Variants in SDHA observed in about 807,000 individuals in gnomAD.
SDHA encodes succinate dehydrogenase complex flavoprotein subunit A, also known as succinate dehydrogenase [ubiquinone] flavoprotein subunit, mitochondrial.
Under a neutral mutation model 78.4 loss-of-function variants are expected in SDHA, and 48 were observed. That is an observed-to-expected ratio of 0.61 (90% CI 0.49 to 0.78). SDHA has a LOEUF of 0.78. Among genes scored for constraint, SDHA ranks in the 30% least tolerant of loss-of-function variants. The pLI is 0.00. For missense variants in SDHA, 680 were observed against 892.7 expected, an observed-to-expected ratio of 0.76 and a Z score of 3.04; for synonymous variants, 326 against 353.9, an observed-to-expected ratio of 0.92 and a Z score of 0.88.
intron 14 of SDHA, 89 bp from the exon 15 acceptor site, chr5:256,245 T>C: frequency 1.0e-6 from 1 of 953,454 alleles, no homozygotes; most frequent in African/African-American, 1.6e-5. Context: ...ATAAATCTAC[T>C]TTTATAGTTA....
Position 250,952 on chromosome 5 carries a change from C to T in SDHA, c.1552-40C>T, listed in dbSNP as rs1201282643. The T allele has an allele frequency of 4.5e-6, 7 of 1,559,412 alleles. No homozygotes were observed. In the South Asian group the frequency reaches 6.7e-5, roughly 15 times the overall value. Reference sequence around the variant, plus strand: ...TAAGCAGTTCTTGGTATGGCTGCTTCTATGGATTAAAAGTTTACAAATAAT... The same window carrying T: ...TAAGCAGTTCTTGGTATGGCTGCTTTTATGGATTAAAAGTTTACAAATAAT... On this transcript the variant is annotated intron_variant, in intron 11 of 14. Transcript: ENST00000264932.
intron 14 of SDHA, 105 bp from the exon 15 acceptor site, chr5:256,229 C>T: frequency 3.5e-6 from 3 of 846,734 alleles, no homozygotes; most frequent in South Asian, 1.3e-5. Flanking sequence ...TTAAAGTTCA[C>T]ATGCCATAAA....
intron 6 of SDHA, among the ~76,000 whole-genome samples, chr5:229,491 G>A (rs1300784505): frequency 3.3e-5 from 5 of 152,190 alleles, no homozygotes; most frequent in Non-Finnish European, 5.9e-5. Flanking sequence ...TAAGTGAAAC[G>A]AGCCAGGCAC....
At chr5:247,078 A>C (rs1209849000) in intron 11 of SDHA, among the ~76,000 whole-genome samples, 1 of 152,252 alleles carries the variant, frequency 6.6e-6, no homozygotes, top group African/African-American at 2.4e-5. Flanking sequence ...GTTTTTACAG[A>C]TGGGTCTAGT....
the SDHA span, among the ~76,000 whole-genome samples, chr5:268,637 C>G: frequency 6.6e-6 from 1 of 152,188 alleles, no homozygotes; most frequent in South Asian, 2.1e-4. Flanking sequence ...CTAGTTTTCT[C>G]TTCAGTAAAA....
intron 10 of SDHA, among the ~76,000 whole-genome samples, chr5:239,808 T>G (rs1736030796): frequency 6.6e-6 from 1 of 151,794 alleles, no homozygotes; most frequent in Non-Finnish European, 1.5e-5. Context: ...CTCGCTCTGT[T>G]GCCCAGGCTG....
In SDHA at chr5:240,448, C is replaced by T. The variant is rs151266052; in HGVS notation, c.1523C>T (p.Thr508Ile). 4.9e-4 allele frequency: 784 copies of T among 1,609,846 alleles called. 8 individuals carry two copies. The African/African-American group carries it at 8.6e-3, about 18-fold the overall frequency. The part of the protein sequence containing the change: ...KLRFADGSIR[T>I]SELRLSMQKS... ...AGATTTGCTGATGGAAGCATAAGAA[C>T]ATCGGAACTGCGACTCAGCATGCAG... is the stretch of plus-strand genomic sequence containing the variant. Residue 508 changes from threonine (T) to isoleucine (I), a missense_variant, in exon 11 of 15, where the codon ACA becomes ATA. Coordinates refer to ENST00000264932, the MANE Select transcript of SDHA (RefSeq NM_004168.4).
chr5:255,042 G>GT (rs1177696684), intron 14 of SDHA, among the ~76,000 whole-genome samples: 3 of 151,432 alleles, frequency 2.0e-5, no homozygotes, highest in Non-Finnish European at 2.9e-5. Context: ...GGTGAGCAGT[G>GT]TCCTGGGAAC....
chr5:244,773 C>A (rs1736347122), intron 11 of SDHA, among the ~76,000 whole-genome samples: 1 of 152,152 alleles, frequency 6.6e-6, no homozygotes, highest in Admixed American at 6.5e-5. Flanking sequence ...CAACCTGGGA[C>A]TATTCAATGA....
rs77768936 is a variant in SDHA, at chr5:221,481, C to T, written c.64-2001C>T. 3.2e-3 allele frequency among the ~76,000 whole-genome samples: 483 copies of T among 152,252 alleles called. 18 individuals are homozygous for T. In the East Asian group the frequency reaches 0.084, roughly 26 times the overall value. Reference sequence around the variant, plus strand: ...GTTTCTTGCTCGTGATTTATAGGTGCGTTGTATTAGATGAGGACCCCTTAC... The same window carrying T: ...GTTTCTTGCTCGTGATTTATAGGTGTGTTGTATTAGATGAGGACCCCTTAC... On this transcript the variant is annotated intron_variant, in intron 1 of 14. Transcript: ENST00000264932.
At chr5:235,456 C>T in intron 9 of SDHA, 117 bp downstream of exon 9, 1 of 1,038,316 alleles carries the variant, frequency 9.6e-7, no homozygotes, top group Non-Finnish European at 1.5e-6. Context: ...CAAGAAAGTA[C>T]TGTATTGTTT....
intron 7 of SDHA, among the ~76,000 whole-genome samples, chr5:231,758 G>A (rs968030695): frequency 1.3e-5 from 2 of 151,514 alleles, no homozygotes; most frequent in African/African-American, 4.8e-5. Context: ...AGCAGCACAG[G>A]CAGACTTCAG....
intron 11 of SDHA, chr5:250,132 G>T (rs1244583161): frequency 6.6e-6 from 1 of 152,192 alleles, no homozygotes; most frequent in Non-Finnish European, 1.5e-5. Flanking sequence ...TTTTTCATTT[G>T]TTCTTCCTGA....
At chr5:259,087 T>C (rs1451120840), downstream of SDHA, among the ~76,000 whole-genome samples, 14 of 24,366 alleles carry the variant, frequency 5.7e-4, no homozygotes, top group East Asian at 1.3e-3. Context: ...CCGCCTCCCG[T>C]CAGAGCATTA....
At chr5:228,431 C>T (rs142026217) in intron 6 of SDHA, 98 bp downstream of exon 6, 750 of 1,300,734 alleles carry the variant, frequency 5.8e-4, no homozygotes, top group Non-Finnish European at 7.7e-4. Context: ...TGTAGAATAA[C>T]GGTTTAGACA....
At chr5:251,533 A>T (rs1295028169) in intron 13 of SDHA, 65 bp downstream of exon 13, 3 of 1,611,138 alleles carry the variant, frequency 1.9e-6, no homozygotes, top group Non-Finnish European at 2.5e-6. Flanking sequence ...ACTCAGCCCC[A>T]CCCCTGCATT....
intron 11 of SDHA, 103 bp from the exon 12 acceptor site, chr5:250,888 TA>T (rs1736777415): frequency 8.2e-6 from 8 of 979,336 alleles, no homozygotes; most frequent in Non-Finnish European, 1.3e-5. Flanking sequence ...TTAATTTATG[TA>T]ACTTTTAAGT....
At chr5:248,209 C>T (rs1736589985) in intron 11 of SDHA, among the ~76,000 whole-genome samples, 1 of 150,880 alleles carries the variant, frequency 6.6e-6, no homozygotes. Flanking sequence ...ACCTTATGAG[C>T]TGACACTGAG....
At position 243,444 on chromosome 5, in the gene SDHA, A is replaced by G. The variant is rs373841189; in HGVS notation, c.1551+2968A>G. ...CTTGCAGCGCCCAGGCCCAACCTCA[A>G]ATTAATATAACTGCAGACCAGCTTT... is the stretch of plus-strand genomic sequence containing the variant. On this transcript the variant is annotated intron_variant, in intron 11 of 14. Transcript: ENST00000264932. 2.6e-4 allele frequency among the ~76,000 whole-genome samples: 39 copies of G among 152,206 alleles called. No homozygotes were observed. In the South Asian group the frequency reaches 3.9e-3, roughly 15 times the overall value.
Sources: allele counts gnomAD v4.1 joint callset (sites outside exome capture counted in the v4.1 genomes callset), GRCh38; gene constraint gnomAD v4.1.1; transcripts MANE v1.5; gene names NCBI Gene and HGNC (gene_info 2026-07-23, HGNC 2026-07-21).